ZNF10: variants seen among roughly 807,000 people sequenced by gnomAD.
The protein encoded by ZNF10 is zinc finger protein 10 (KOX 1).
In ZNF10, 8 loss-of-function variants were observed where a neutral mutation model predicts 12.2. The ratio of observed to expected loss-of-function variants is 0.66; its 90% CI spans 0.39 to 1.18. The LOEUF is 1.18. Ranked by LOEUF, ZNF10 falls within the 50% of genes most tolerant of loss-of-function variation. The pLI is 0.01. For synonymous variants in ZNF10, 229 were observed against 228.2 expected (o/e 1.00, Z -0.03); for missense variants, 603 against 678.9 (o/e 0.89, Z 1.24).
intron 1 of ZNF10, chr12:133,139,136 G>A (rs1955929770): frequency 1.3e-5 from 2 of 152,156 alleles, no homozygotes; most frequent in Admixed American, 1.3e-4. Flanking sequence ...TGACCCTTTG[G>A]TCAGCTAATT....
intron 1 of ZNF10, among the ~76,000 whole-genome samples, chr12:133,137,258 A>G (rs1450605787): frequency 1.3e-5 from 2 of 152,146 alleles, no homozygotes; most frequent in Non-Finnish European, 2.9e-5. Context: ...CCTCTAGTCC[A>G]TTACACAGCT....
Position 133,151,852 on chromosome 12 carries a change from G to T in ZNF10, c.204G>T (p.Lys68Asn). The T allele has an allele frequency of 6.2e-7, 1 of 1,613,590 alleles. No homozygotes were observed. Among genetic ancestry groups the T allele is most frequent in the Non-Finnish European group, 8.5e-7 (1 of 1,179,672 alleles). ...TKPDVILRLE[K>N]GEEPWLVERE... ...CAGATGTGATCCTCCGGTTGGAGAA[G>T]GGAGAAGAGCCCTGGCTGGTGGAGA... The change falls in exon 4 of 5, where the codon AAG becomes AAT. Residue 68 changes from lysine (K) to asparagine (N), a missense_variant. Physicochemically the swap from Lys to Asn is moderately conservative, Grantham distance 94 (BLOSUM62 0). Coordinates refer to ENST00000248211, the MANE Select transcript of ZNF10 (RefSeq NM_015394.5).
Position 133,157,339 on chromosome 12 carries a change from G to T in ZNF10, c.*371G>T, listed in dbSNP as rs1593849174. 4 of 165,654 alleles carry T rather than the reference G, an allele frequency of 2.4e-5. No homozygotes were observed. In the East Asian group the frequency reaches 6.8e-4, roughly 28 times the overall value. The allele number at this position is 165,654 out of a possible 1,614,324, so 10.3% of individuals were successfully genotyped here. A position where few individuals can be genotyped will look rare whatever the true frequency, so the allele number is the denominator to read the frequency against. ...GAGTTGTTGCTGAGAATTAAGAAAT[G>T]ATACAGTTAATGCAACAAAAGATGG... On this transcript the variant is annotated 3_prime_UTR_variant, in exon 5 of 5. Transcript: ENST00000248211.
intron 1 of ZNF10, among the ~76,000 whole-genome samples, chr12:133,143,236 G>C (rs551117486): frequency 6.6e-6 from 1 of 151,950 alleles, no homozygotes; most frequent in Non-Finnish European, 1.5e-5. Flanking sequence ...TGTTTGGAGC[G>C]ATGGAAAAGT....
chr12:133,131,142 A>C (rs1440871651), intron 1 of ZNF10: 2 of 152,222 alleles, frequency 1.3e-5, no homozygotes, highest in Non-Finnish European at 2.9e-5. Context: ...TTGTTGAAAT[A>C]GTGACGCCGA....
chr12:133,141,926 A>G (rs867041213), intron 1 of ZNF10, among the ~76,000 whole-genome samples: 5 of 152,200 alleles, frequency 3.3e-5, no homozygotes, highest in South Asian at 2.1e-4. Context: ...AGAAAATCTC[A>G]AAAGCAGCCA....
At chr12:133,151,769 CCT>C in intron 3 of ZNF10, 38 bp from the exon 4 acceptor site, 1 of 1,566,154 alleles carries the variant, frequency 6.4e-7, no homozygotes, top group Non-Finnish European at 8.8e-7. Context: ...TCAGAGCTCC[CCT>C]GACTCTTACC....
intron 1 of ZNF10, among the ~76,000 whole-genome samples, chr12:133,136,518 T>C (rs1388073320): frequency 6.6e-6 from 1 of 152,212 alleles, no homozygotes; most frequent in Admixed American, 6.5e-5. Flanking sequence ...TGGGCTTCTC[T>C]TTTATTTGCT....
Position 133,158,559 on chromosome 12 carries a change from A to G in ZNF10, c.*1591A>G, listed in dbSNP as rs1173676438. 6.6e-6 allele frequency: 1 copy of G among 152,228 alleles called. No individual in the cohort carries two copies. The highest frequency in any genetic ancestry group is 1.5e-5 in the Non-Finnish European group (1 of 68,046). 9.4% of individuals were successfully genotyped at this position (152,228 alleles called of 1,614,324 possible). ...AGTCTTCAGATTCTCTGGTAAGTTA[A>G]TAACCCACAAAAGATTCAGGAAGAG... On this transcript the variant is annotated 3_prime_UTR_variant, in exon 5 of 5. Coordinates refer to ENST00000248211, the MANE Select transcript of ZNF10 (RefSeq NM_015394.5).
chr12:133,136,709 T>A lies in ZNF10; in HGVS notation c.-60+5955T>A, dbSNP rs368042497. 3.9e-5 allele frequency among the ~76,000 whole-genome samples: 6 copies of A among 152,240 alleles called. No individual in the cohort carries two copies. In the East Asian group the frequency reaches 9.6e-4, roughly 24 times the overall value. ...TCACAGGGTTGTTGATAGGAACATATGATCCCCCTTAGACTCCTTTATTCA... is the reference window on the plus strand; with the variant it reads ...TCACAGGGTTGTTGATAGGAACATAAGATCCCCCTTAGACTCCTTTATTCA... On this transcript the variant is annotated intron_variant, in intron 1 of 4. Transcript: ENST00000248211.
rs1312861074 is a variant in ZNF10, at chr12:133,151,021, G to A, written c.34-7G>A. ...CTGGTGCAATGCAAATGTGTTTGAT[G>A]TTGTAGACACTGGTGACCTTCAAGG... is the stretch of plus-strand genomic sequence containing the variant. On this transcript the variant is annotated splice_polypyrimidine_tract_variant and splice_region_variant and intron_variant, in intron 2 of 4. Transcript: ENST00000248211. 6.2e-7 allele frequency: 1 copy of A among 1,612,386 alleles called. No individual in the cohort carries two copies. Among genetic ancestry groups the A allele is most frequent in the Admixed American group, 1.7e-5 (1 of 59,930 alleles).
intron 1 of ZNF10, among the ~76,000 whole-genome samples, chr12:133,131,604 C>G (rs1447041841): frequency 1.3e-5 from 2 of 152,180 alleles, no homozygotes; most frequent in Non-Finnish European, 2.9e-5. Context: ...CCTCCCTACC[C>G]TTTTGAAAAT....
chr12:133,133,565 C>A (rs997895330), intron 1 of ZNF10, among the ~76,000 whole-genome samples: 1 of 152,184 alleles, frequency 6.6e-6, no homozygotes, highest in Non-Finnish European at 1.5e-5. Flanking sequence ...TGGGCAGAGT[C>A]CTTCATGTTT....
At chr12:133,131,480 T>C (rs61951785) in intron 1 of ZNF10, among the ~76,000 whole-genome samples, 2 of 150,788 alleles carry the variant, frequency 1.3e-5, no homozygotes, top group Non-Finnish European at 3.0e-5. Flanking sequence ...ATACTGTTAA[T>C]TAAAAAAAAA....
chr12:133,148,297 A>G (rs550474109), intron 2 of ZNF10, among the ~76,000 whole-genome samples: 166 of 151,668 alleles, frequency 1.1e-3, no homozygotes, highest in Non-Finnish European at 2.0e-3. Flanking sequence ...ATTTTTGTAT[A>G]TTTAGTAGAA....
At position 133,155,910 on chromosome 12, in the gene ZNF10, A is replaced by G; in HGVS notation, c.664A>G (p.Asn222Asp). ...SNECGQTFCQ[N>D]IHLIQFARTH... is the part of the protein sequence containing the mutation. ...TGAATGTGGTCAAACTTTCTGTCAAAACATTCACCTTATTCAGTTTGCAAG... is the reference window on the plus strand; with the variant it reads ...TGAATGTGGTCAAACTTTCTGTCAAGACATTCACCTTATTCAGTTTGCAAG... Residue 222 changes from asparagine (N) to aspartate (D), a missense_variant, in exon 5 of 5, where the codon AAC (asparagine) becomes GAC (aspartate). Transcript: ENST00000248211. The G allele has an allele frequency of 6.2e-7, 1 of 1,613,974 alleles. No homozygotes were observed. The highest frequency in any genetic ancestry group is 8.5e-7 in the Non-Finnish European group (1 of 1,179,942).
At chr12:133,137,374 A>G (rs142896831) in intron 1 of ZNF10, among the ~76,000 whole-genome samples, 42 of 152,330 alleles carry the variant, frequency 2.8e-4, no homozygotes, top group African/African-American at 9.4e-4. Context: ...GCTGTGACCT[A>G]GATCTGGCTT....
Position 133,156,033 on chromosome 12 carries a change from A to C in ZNF10, c.787A>C (p.Lys263Gln), listed in dbSNP as rs1319492673. Reference protein sequence around the residue: ...LGISKGIHREKPYECKECGKF... With the variant: ...LGISKGIHREQPYECKECGKF... The stretch of plus-strand genomic sequence containing the variant: ...TATATCAAAGGGCATACATAGAGAG[A>C]AACCCTATGAATGTAAGGAATGTGG... Residue 263 changes from lysine to glutamine, a missense_variant, in exon 5 of 5, where the codon AAA becomes CAA. Coordinates refer to ENST00000248211, the MANE Select transcript of ZNF10 (RefSeq NM_015394.5). The C allele has an allele frequency of 6.2e-7, 1 of 1,613,742 alleles. No homozygotes were observed. Among genetic ancestry groups the C allele is most frequent in the Admixed American group, 1.7e-5 (1 of 60,010 alleles).
Position 133,155,727 on chromosome 12 carries a change from G to A in ZNF10, c.481G>A (p.Glu161Lys). The change falls in exon 5 of 5, where the codon GAG becomes AAG. Residue 161 changes from glutamate to lysine, a missense_variant. By Grantham distance (56) the Glu-to-Lys change is moderately conservative (BLOSUM62 1). This residue lies in a region of ZNF10 where 393 missense variants were observed against 399.7 expected (regional missense o/e 0.98). Transcript: ENST00000248211. ...AFTQKKVLTQ[E>K]RVSESGKYGG... ...CACCCAAAAGAAAGTACTTACTCAG[G>A]AGAGAGTCTCTGAAAGTGGTAAATA... 1 of 1,612,406 alleles carries A rather than the reference G, an allele frequency of 6.2e-7. No individual in the cohort carries two copies. Among genetic ancestry groups the A allele is most frequent in the East Asian group, 2.2e-5 (1 of 44,864 alleles).
Sources: gnomAD v4.1 joint callset for allele counts (sites outside exome capture counted in the v4.1 genomes callset) on GRCh38, gnomAD v4.1.1 for gene constraint, gnomAD v4.1.1 regional missense constraint, MANE v1.5 for transcripts, NCBI Gene and HGNC (gene_info 2026-07-23, HGNC 2026-07-21) for gene names.